The following CNTNAP3B variants were observed in gnomAD, a reference collection of about 807,000 sequenced individuals.
CNTNAP3B encodes the protein contactin-associated protein-like 3B.
Under a neutral mutation model 108.9 loss-of-function variants are expected in CNTNAP3B, and 25 were observed. The ratio of observed to expected loss-of-function variants is 0.23; its 90% CI spans 0.17 to 0.32. The LOEUF (loss-of-function observed/expected upper bound fraction) is 0.32. Among genes scored for constraint, CNTNAP3B ranks in the 10% least tolerant of loss-of-function variants. CNTNAP3B has a pLI of 1.00. For missense variants in CNTNAP3B, 252 were observed against 1,210.4 expected (o/e 0.21, Z 11.75); for synonymous variants, 103 against 473.4 (o/e 0.22, Z 10.16).
rs1405908688 is a variant in CNTNAP3B at position 42,096,050 on chromosome 9, C to T, written c.196+8579G>A. ...TGGTCTTGCTCACCTGCCTTTGGTA[C>T]CTCAGGGTGTCCTTGGATAACTGGG... On this transcript the variant is annotated intron_variant, in intron 2 of 23. Coordinates refer to ENST00000377561, the MANE Select transcript of CNTNAP3B (RefSeq NM_001201380.3). Among the ~76,000 whole-genome samples the T allele has an allele frequency of 6.5e-5, 9 of 139,212 alleles. 1 individual carries two copies. Among genetic ancestry groups the T allele is most frequent in the Non-Finnish European group, 1.2e-4 (8 of 64,944 alleles). The allele number at this position is 139,212 out of a possible 152,430, so 91.3% of individuals were successfully genotyped here.
At chr9:41,966,243 T>C (rs1474283775) in intron 10 of CNTNAP3B, among the ~76,000 whole-genome samples, 2 of 152,410 alleles carry the variant, frequency 1.3e-5, no homozygotes, top group Non-Finnish European at 2.9e-5. Context: ...CATACCTGAC[T>C]TGAAGATTCC....
intron 3 of CNTNAP3B, among the ~76,000 whole-genome samples, chr9:42,067,616 GATTCT>G (rs1827300259): frequency 6.7e-6 from 1 of 149,952 alleles, no homozygotes; most frequent in Admixed American, 6.6e-5. Context: ...GTTTATAACT[GATTCT>G]TGTTCTCAAA....
chr9:41,932,782 T>C (rs1386808455), intron 14 of CNTNAP3B, among the ~76,000 whole-genome samples: 1 of 152,154 alleles, frequency 6.6e-6, no homozygotes, highest in Non-Finnish European at 1.5e-5. Context: ...CCTCGCAAAG[T>C]GCTGGGATAA....
In CNTNAP3B at chr9:42,061,083, C is replaced by T. The variant is rs1226085863; in HGVS notation, c.390+15786G>A. 5.4e-4 allele frequency among the ~76,000 whole-genome samples: 53 copies of T among 97,954 alleles called. 4 individuals carry two copies. The highest frequency in any genetic ancestry group is 2.2e-3 in the African/African-American group (52 of 23,640). The allele number at this position is 97,954 out of a possible 152,430, so 64.3% of individuals were successfully genotyped here. A position where few individuals can be genotyped will look rare whatever the true frequency, so the allele number is the denominator to read the frequency against. ...TAGTTTGTTCTTGTTATTCTAGTTCCTTGGGGTGTAATGTTTGGTTGTTTA... is the reference window on the plus strand; with the variant it reads ...TAGTTTGTTCTTGTTATTCTAGTTCTTTGGGGTGTAATGTTTGGTTGTTTA... On this transcript the variant is annotated intron_variant, in intron 3 of 23. Coordinates refer to ENST00000377561, the MANE Select transcript of CNTNAP3B (RefSeq NM_001201380.3).
chr9:42,075,835 A>ATTT (rs1587251278), intron 3 of CNTNAP3B, among the ~76,000 whole-genome samples: 3 of 46,714 alleles, frequency 6.4e-5, no homozygotes, highest in Admixed American at 4.5e-4. Flanking sequence ...TGTAATAAAT[A>ATTT]CTTATTATTA....
chr9:42,067,543 T>C (rs1827297529), intron 3 of CNTNAP3B, among the ~76,000 whole-genome samples: 2 of 152,154 alleles, frequency 1.3e-5, no homozygotes, highest in African/African-American at 4.8e-5. Flanking sequence ...CACACAATTA[T>C]GCTCATTTTA....
At chr9:42,001,857 A>G (rs1826011904) in intron 4 of CNTNAP3B, among the ~76,000 whole-genome samples, 1 of 133,748 alleles carries the variant, frequency 7.5e-6, no homozygotes, top group Non-Finnish European at 1.6e-5. Context: ...TTAGATCAGG[A>G]GCCACATTTT....
chr9:41,952,008 G>A (rs1331510870), intron 13 of CNTNAP3B, among the ~76,000 whole-genome samples: 1 of 152,250 alleles, frequency 6.6e-6, no homozygotes, highest in African/African-American at 2.4e-5. Context: ...ATCCGGGAGG[G>A]GAGCGGGTTG....
At chr9:42,127,525 C>A (rs979188077) in intron 1 of CNTNAP3B, among the ~76,000 whole-genome samples, 1 of 139,438 alleles carries the variant, frequency 7.2e-6, no homozygotes, top group Non-Finnish European at 1.5e-5. Context: ...TTGTATTTTG[C>A]CAGTTGATTG....
intron 1 of CNTNAP3B, among the ~76,000 whole-genome samples, chr9:42,117,479 A>G (rs554362124): frequency 7.1e-6 from 1 of 141,464 alleles, no homozygotes; most frequent in South Asian, 2.3e-4. Flanking sequence ...GAAACCAATG[A>G]GAACAAACAC....
chr9:41,927,778 T>A (rs1823860895), intron 15 of CNTNAP3B, among the ~76,000 whole-genome samples: 1 of 152,114 alleles, frequency 6.6e-6, no homozygotes, highest in Non-Finnish European at 1.5e-5. Context: ...ATCGGAAATA[T>A]CTGGAAATGG....
At chr9:42,075,632 C>T (rs1283270055) in intron 3 of CNTNAP3B, among the ~76,000 whole-genome samples, 5 of 125,258 alleles carry the variant, frequency 4.0e-5, no homozygotes, top group Admixed American at 8.0e-5. Flanking sequence ...AACAAAAATG[C>T]TGACGGTACC....
chr9:41,941,515 T>TA (rs1240266611), intron 13 of CNTNAP3B, among the ~76,000 whole-genome samples: 2 of 150,012 alleles, frequency 1.3e-5, no homozygotes, highest in African/African-American at 2.5e-5. Context: ...AATACACCCT[T>TA]AAAAAAATGA....
intron 2 of CNTNAP3B, among the ~76,000 whole-genome samples, chr9:42,078,295 AC>A (rs1827533071): frequency 9.2e-6 from 1 of 108,334 alleles, no homozygotes; most frequent in Non-Finnish European, 1.9e-5. Context: ...AATATTAGGC[AC>A]CTATTTGAAT....
At chr9:42,079,131 TTATTA>T (rs1827557851) in intron 2 of CNTNAP3B, among the ~76,000 whole-genome samples, 1 of 141,556 alleles carries the variant, frequency 7.1e-6, no homozygotes, top group Non-Finnish European at 1.5e-5. Flanking sequence ...TTAAATATTT[TTATTA>T]TATTATTTTG....
chr9:41,924,465 C>A (rs1197294975), intron 15 of CNTNAP3B, among the ~76,000 whole-genome samples: 1 of 152,304 alleles, frequency 6.6e-6, no homozygotes, highest in African/African-American at 2.4e-5. Context: ...TCTGAGGTGA[C>A]TTTGGGGTTT....
Position 42,117,571 on chromosome 9 carries a change from C to T in CNTNAP3B, c.85+11439G>A, listed in dbSNP as rs1446191015. ...AGCACTAAATGCCCACAAAAGAAAG[C>T]AGGAAAGATCTAAAATTGACACCCT... is the stretch of plus-strand genomic sequence containing the variant. On this transcript the variant is annotated intron_variant, in intron 1 of 23. Transcript: ENST00000377561. Among the ~76,000 whole-genome samples, 2 of 139,222 alleles carry T rather than the reference C, an allele frequency of 1.4e-5. 1 individual carries two copies. Among genetic ancestry groups the T allele is most frequent in the Non-Finnish European group, 3.1e-5 (2 of 64,894 alleles). The allele number at this position is 139,222 out of a possible 152,430, so 91.3% of individuals were successfully genotyped here. A position where few individuals can be genotyped will look rare whatever the true frequency, so the allele number is the denominator to read the frequency against.
intron 9 of CNTNAP3B, chr9:41,979,900 A>G (rs1400489077): frequency 7.8e-6 from 1 of 127,982 alleles, no homozygotes; most frequent in African/African-American, 3.6e-5. Flanking sequence ...ATATATATAT[A>G]TGTAATCTTT....
Position 41,986,292 on chromosome 9 carries a change from C to T in CNTNAP3B, c.1353G>A (p.Gly451=), listed in dbSNP as rs777078065. ...NVTAGAGLND[G]QWHSVSFSAK... Reference sequence around the variant, plus strand: ...CAGAGAAGGATACAGAGTGCCACTGCCCATCGTTTAATCCAGCACCTGGAG... The same window carrying T: ...CAGAGAAGGATACAGAGTGCCACTGTCCATCGTTTAATCCAGCACCTGGAG... Residue 451 remains glycine, a synonymous_variant, in exon 9 of 24, where the codon GGG becomes GGA. Transcript: ENST00000377561. 38 of 1,097,178 alleles carry T rather than the reference C, an allele frequency of 3.5e-5. 11 individuals are homozygous for T. In the African/African-American group the frequency reaches 7.2e-4, roughly 21 times the overall value. The allele number at this position is 1,097,178 out of a possible 1,614,324, so 68.0% of individuals were successfully genotyped here. A position where few individuals can be genotyped will look rare whatever the true frequency, so the allele number is the denominator to read the frequency against.
Sources: gnomAD v4.1 joint callset for allele counts (sites outside exome capture counted in the v4.1 genomes callset) on GRCh38, gnomAD v4.1.1 for gene constraint, MANE v1.5 for transcripts, NCBI Gene and HGNC (gene_info 2026-07-23, HGNC 2026-07-21) for gene names.